The following TRPC1 variants were observed in gnomAD, a reference collection of about 807,000 sequenced individuals.
TRPC1 encodes the protein short transient receptor potential channel 1.
Under a neutral mutation model 88.2 loss-of-function variants are expected in TRPC1, and 42 were observed. The observed-to-expected ratio is 0.48, with a 90% confidence interval of 0.37 to 0.62. The LOEUF is 0.62. TRPC1 is among the 20% of genes least tolerant of loss of function. TRPC1 has a pLI of 0.00. For synonymous variants in TRPC1, 288 were observed against 331.8 expected (o/e 0.87, Z 1.43); for missense variants, 699 against 957.3 (o/e 0.73, Z 3.56).
At chr3:142,764,553 C>T (rs1935318535) in intron 4 of TRPC1, among the ~76,000 whole-genome samples, 1 of 151,710 alleles carries the variant, frequency 6.6e-6, no homozygotes, top group African/African-American at 2.4e-5. Flanking sequence ...GATGGCAGGG[C>T]TTTTTTTTCC....
chr3:142,754,686 A>G (rs1301458042), intron 4 of TRPC1, among the ~76,000 whole-genome samples: 1 of 152,148 alleles, frequency 6.6e-6, no homozygotes, highest in Admixed American at 6.5e-5. Flanking sequence ...CTGAAGGCAA[A>G]TGAATTTGTA....
intron 4 of TRPC1, among the ~76,000 whole-genome samples, chr3:142,771,074 C>T (rs557820919): frequency 1.3e-5 from 2 of 152,196 alleles, no homozygotes; most frequent in South Asian, 4.1e-4. Context: ...GGAATGAATA[C>T]AGCAAGAACT....
chr3:142,790,544 T>C (rs1484543132), intron 7 of TRPC1, among the ~76,000 whole-genome samples: 1 of 152,216 alleles, frequency 6.6e-6, no homozygotes, highest in Non-Finnish European at 1.5e-5. Context: ...GTAGATGATA[T>C]TTAAAGCCAT....
chr3:142,785,235 A>G, intron 7 of TRPC1, 195 bp downstream of exon 7: 1 of 457,094 alleles, frequency 2.2e-6, no homozygotes, highest in Non-Finnish European at 3.8e-6. Flanking sequence ...CTTGATGATA[A>G]GGAAGCATCT....
At chr3:142,801,538 A>G (rs1442884822) in intron 9 of TRPC1, among the ~76,000 whole-genome samples, 1 of 152,164 alleles carries the variant, frequency 6.6e-6, no homozygotes, top group Admixed American at 6.5e-5. Flanking sequence ...TTAGGATTAA[A>G]GCTTCCATAT....
chr3:142,725,593 A>G (rs1383534825), intron 1 of TRPC1, among the ~76,000 whole-genome samples: 1 of 152,128 alleles, frequency 6.6e-6, no homozygotes, highest in Non-Finnish European at 1.5e-5. Flanking sequence ...AACAAAAGGG[A>G]TAGGAAATTG....
chr3:142,766,472 C>T (rs1245406786), intron 4 of TRPC1, among the ~76,000 whole-genome samples: 1 of 151,118 alleles, frequency 6.6e-6, no homozygotes, highest in Non-Finnish European at 1.5e-5. Context: ...GCGATCTCAG[C>T]TCACTGCAAC....
chr3:142,774,597 G>A (rs968512494), intron 4 of TRPC1, among the ~76,000 whole-genome samples: 4 of 152,176 alleles, frequency 2.6e-5, no homozygotes, highest in Admixed American at 6.5e-5. Context: ...GCAGTTCTAG[G>A]CAAGGCTATT....
chr3:142,777,605 A>C (rs914663401), intron 4 of TRPC1, 27 bp from the exon 5 acceptor site: 2 of 1,538,834 alleles, frequency 1.3e-6, no homozygotes, highest in Non-Finnish European at 1.8e-6. Context: ...AGTTTATTTT[A>C]CATTATGGAA....
intron 4 of TRPC1, among the ~76,000 whole-genome samples, chr3:142,763,989 T>TATATATATATATATAC (rs1486429772): frequency 3.1e-5 from 2 of 65,036 alleles, no homozygotes; most frequent in Admixed American, 1.2e-4. Context: ...TATATACACA[T>TATATATATATATATAC]ACATACATAC....
intron 5 of TRPC1, 29 bp downstream of exon 5, chr3:142,777,792 A>C: frequency 6.3e-7 from 1 of 1,586,720 alleles, no homozygotes; most frequent in South Asian, 1.2e-5. Context: ...TATATAATGT[A>C]TTTTGTTTTA....
At chr3:142,801,296 A>T (rs1166547942) in intron 9 of TRPC1, 7 of 151,854 alleles carry the variant, frequency 4.6e-5, no homozygotes, top group African/African-American at 2.4e-5. Flanking sequence ...AATAAAAAAT[A>T]AAAACAATAT....
At position 142,741,121 on chromosome 3, in the gene TRPC1, T is replaced by C. The variant is rs548760351; in HGVS notation, c.328-2364T>C. Among the ~76,000 whole-genome samples the C allele has an allele frequency of 2.0e-5, 3 of 146,382 alleles. No individual in the cohort carries two copies. In the East Asian group the frequency reaches 6.2e-4, roughly 30 times the overall value. Reference sequence around the variant, plus strand: ...GTAATAAGTATATATTGAAGAGCTTTTAATAAAGAATCGTCAAATATCTGA... The same window carrying C: ...GTAATAAGTATATATTGAAGAGCTTCTAATAAAGAATCGTCAAATATCTGA... On this transcript the variant is annotated intron_variant, in intron 2 of 12. Transcript: ENST00000476941.
chr3:142,755,135 G>T (rs1054938795), intron 4 of TRPC1, among the ~76,000 whole-genome samples: 1 of 152,078 alleles, frequency 6.6e-6, no homozygotes, highest in Non-Finnish European at 1.5e-5. Context: ...TAGAAATGTT[G>T]AGTCTTGCTG....
chr3:142,784,850 GATAGCTC>G lies in TRPC1; in HGVS notation c.1108_1114del (p.Ile370ProfsTer14). ...GGCCAGTTTTGTCACTTTGTTATTT[GATAGCTC>G]CCAAATCTCAGTTTGGCAGAATCAT... On this transcript the variant is annotated frameshift_variant, in exon 7 of 13. Transcript: ENST00000476941. LOFTEE classifies it high-confidence loss of function. 1 of 1,614,086 alleles carries G rather than the reference GATAGCTC, an allele frequency of 6.2e-7. No homozygotes were observed. The highest frequency in any genetic ancestry group is 8.5e-7 in the Non-Finnish European group (1 of 1,179,990).
At chr3:142,760,819 GTTTGT>G (rs763960667) in intron 4 of TRPC1, among the ~76,000 whole-genome samples, 1 of 151,802 alleles carries the variant, frequency 6.6e-6, no homozygotes, top group African/African-American at 2.4e-5. Flanking sequence ...TTGATTCCTA[GTTTGT>G]TTTGTTTTGT....
intron 12 of TRPC1, among the ~76,000 whole-genome samples, chr3:142,805,102 GAACAAACA>G (rs549588783): frequency 6.9e-6 from 1 of 144,724 alleles, no homozygotes; most frequent in South Asian, 2.2e-4. Context: ...CTCCACCTCA[GAACAAACA>G]AACAAACAAA....
chr3:142,793,113 T>C (rs180742516), intron 9 of TRPC1, 146 bp downstream of exon 9: 94 of 689,088 alleles, frequency 1.4e-4, no homozygotes, highest in Admixed American at 1.9e-4. Flanking sequence ...GGACACAGCA[T>C]GTTTATCTAC....
At chr3:142,777,839 A>C in intron 5 of TRPC1, 76 bp downstream of exon 5, 1 of 1,431,118 alleles carries the variant, frequency 7.0e-7, no homozygotes, top group Non-Finnish European at 9.4e-7. Flanking sequence ...CCCAAATTAT[A>C]ATTTGTATAT....
Sources: gnomAD v4.1 joint callset for allele counts (sites outside exome capture counted in the v4.1 genomes callset) on GRCh38, gnomAD v4.1.1 for gene constraint, MANE v1.5 for transcripts, NCBI Gene and HGNC (gene_info 2026-07-23, HGNC 2026-07-21) for gene names.